Variants in CCDC102B observed in about 807,000 individuals in gnomAD.
The protein encoded by CCDC102B is coiled-coil domain containing 102B.
Under a neutral mutation model 57.4 loss-of-function variants are expected in CCDC102B, and 75 were observed. That is an observed-to-expected ratio of 1.31 (90% CI 1.08 to 1.58). The LOEUF is 1.58. CCDC102B is among the 40% of genes most tolerant of loss of function. The pLI, the probability that CCDC102B is intolerant of heterozygous loss-of-function variation, is 0.00. For synonymous variants in CCDC102B, 206 were observed against 201.9 expected (o/e 1.02, Z -0.17); for missense variants, 636 against 582.6 (o/e 1.09, Z -0.94).
chr18:68,937,856 T>C (rs565466629), intron 6 of CCDC102B, among the ~76,000 whole-genome samples: 20 of 151,900 alleles, frequency 1.3e-4, no homozygotes, highest in Admixed American at 6.6e-4. Flanking sequence ...GAGCATGCGA[T>C]GTTTGGTTTT....
chr18:68,945,122 C>CCA (rs34611934), intron 6 of CCDC102B, among the ~76,000 whole-genome samples: 30,639 of 143,924 alleles, frequency 0.21, 3,587 homozygotes, highest in South Asian at 0.33. Context: ...CTCTCTCTCT[C>CCA]CACACACACA....
intron 1 of CCDC102B, among the ~76,000 whole-genome samples, chr18:68,824,643 C>T (rs1168846060): frequency 6.6e-6 from 1 of 152,084 alleles, no homozygotes; most frequent in East Asian, 1.9e-4. Flanking sequence ...TCCTAAAATA[C>T]ATTTCATTGG....
intron 1 of CCDC102B, among the ~76,000 whole-genome samples, chr18:68,809,941 T>A (rs951175530): frequency 2.0e-5 from 3 of 152,200 alleles, no homozygotes; most frequent in African/African-American, 7.2e-5. Flanking sequence ...TTGTTTCACG[T>A]GAGTTACTGA....
At chr18:68,977,228 G>A (rs2050460759) in intron 6 of CCDC102B, among the ~76,000 whole-genome samples, 1 of 151,822 alleles carries the variant, frequency 6.6e-6, no homozygotes, top group Non-Finnish European at 1.5e-5. Context: ...ATAGTCTTGG[G>A]GTTAGCTTGT....
intron 2 of CCDC102B, among the ~76,000 whole-genome samples, chr18:68,788,915 T>C (rs2035318686): frequency 6.6e-6 from 1 of 152,238 alleles, no homozygotes; most frequent in African/African-American, 2.4e-5. Flanking sequence ...ATGCAGTTTC[T>C]TCCTACTCTG....
chr18:68,754,922 C>A (rs1428117746), intron 2 of CCDC102B: 1 of 152,338 alleles, frequency 6.6e-6, no homozygotes, highest in South Asian at 2.1e-4. Context: ...GGAAACGAGC[C>A]CTTAACAGAC....
chr18:68,873,781 TG>T (rs2039326525), intron 4 of CCDC102B, among the ~76,000 whole-genome samples: 1 of 152,046 alleles, frequency 6.6e-6, no homozygotes, highest in African/African-American at 2.4e-5. Context: ...TGTTATAAGT[TG>T]CATACATATT....
intron 6 of CCDC102B, among the ~76,000 whole-genome samples, chr18:68,951,270 G>A (rs529031043): frequency 3.3e-5 from 5 of 152,244 alleles, no homozygotes; most frequent in African/African-American, 1.2e-4. Flanking sequence ...GGAAGCAGTT[G>A]ACAGAAAACT....
At chr18:68,735,881 T>C (rs2033102962) in intron 2 of CCDC102B, among the ~76,000 whole-genome samples, 1 of 152,204 alleles carries the variant, frequency 6.6e-6, no homozygotes, top group Admixed American at 6.5e-5. Flanking sequence ...TGCCAATTTC[T>C]CTTCTAACGG....
At chr18:69,012,394 T>C (rs2051542673) in intron 7 of CCDC102B, among the ~76,000 whole-genome samples, 1 of 152,158 alleles carries the variant, frequency 6.6e-6, no homozygotes, top group Admixed American at 6.5e-5. Context: ...CGTGGACTAA[T>C]GAAGTGCTAG....
At chr18:68,870,380 A>T (rs2039192419) in intron 4 of CCDC102B, among the ~76,000 whole-genome samples, 1 of 152,212 alleles carries the variant, frequency 6.6e-6, no homozygotes, top group African/African-American at 2.4e-5. Context: ...TAGAGAAAAG[A>T]TTATCCTTCG....
At chr18:68,928,669 A>G (rs983225737) in intron 6 of CCDC102B, among the ~76,000 whole-genome samples, 2 of 151,918 alleles carry the variant, frequency 1.3e-5, no homozygotes, top group Non-Finnish European at 2.9e-5. Flanking sequence ...AAACTATTAC[A>G]AACTACTCTT....
At chr18:68,853,499 A>T (rs2082515928) in intron 4 of CCDC102B, among the ~76,000 whole-genome samples, 1 of 152,014 alleles carries the variant, frequency 6.6e-6, no homozygotes, top group South Asian at 2.1e-4. Context: ...AAAAGCTAGG[A>T]AAAAGTATTA....
intron 5 of CCDC102B, among the ~76,000 whole-genome samples, chr18:68,893,887 A>G (rs1346417255): frequency 6.6e-6 from 1 of 152,060 alleles, no homozygotes; most frequent in Non-Finnish European, 1.5e-5. Flanking sequence ...CTTTTATACC[A>G]TGTTCTCCCC....
intron 6 of CCDC102B, among the ~76,000 whole-genome samples, chr18:68,984,508 A>G (rs2050674088): frequency 1.3e-5 from 2 of 152,106 alleles, no homozygotes; most frequent in African/African-American, 4.8e-5. Flanking sequence ...CTTTCTAACT[A>G]TGTCCTTCTC....
At chr18:68,802,632 T>G (rs929524373) in intron 1 of CCDC102B, among the ~76,000 whole-genome samples, 1 of 152,184 alleles carries the variant, frequency 6.6e-6, no homozygotes, top group African/African-American at 2.4e-5. Context: ...AATGCAAAGC[T>G]CTGGTCCTGG....
At chr18:68,841,449 G>A (rs2037626060) in intron 3 of CCDC102B, among the ~76,000 whole-genome samples, 1 of 152,150 alleles carries the variant, frequency 6.6e-6, no homozygotes, top group Non-Finnish European at 1.5e-5. Flanking sequence ...ATATATTTCT[G>A]TTGACTTTCA....
intron 6 of CCDC102B, among the ~76,000 whole-genome samples, chr18:69,002,729 T>TG (rs1267252940): frequency 6.6e-6 from 1 of 152,136 alleles, no homozygotes; most frequent in Admixed American, 6.5e-5. Context: ...GAGATGAAAG[T>TG]GATTTTTTTT....
chr18:69,035,161 A>G (rs958084105), intron 7 of CCDC102B, among the ~76,000 whole-genome samples: 3 of 152,070 alleles, frequency 2.0e-5, no homozygotes, highest in Non-Finnish European at 4.4e-5. Flanking sequence ...ACCATATTAG[A>G]AACACTATTG....
Sources: allele counts gnomAD v4.1 joint callset (sites outside exome capture counted in the v4.1 genomes callset), GRCh38; gene constraint gnomAD v4.1.1; transcripts MANE v1.5; gene names NCBI Gene and HGNC (gene_info 2026-07-23, HGNC 2026-07-21).